Variants in AGL observed in about 807,000 individuals in gnomAD.
AGL encodes amylo-alpha-1,6-glucosidase and 4-alpha-glucanotransferase, also known as glycogen debranching enzyme.
Under a neutral mutation model 199.3 loss-of-function variants are expected in AGL, and 128 were observed. The ratio of observed to expected loss-of-function variants is 0.64; its 90% confidence interval spans 0.56 to 0.74. AGL has a LOEUF of 0.74. AGL is among the 30% of genes least tolerant of loss of function. The probability of loss-of-function intolerance (pLI) is 0.00; values close to 1 mark genes in which losing one functional copy is unlikely to be tolerated. For missense variants in AGL, 1,809 were observed against 1,820.8 expected (o/e 0.99, Z 0.12); for synonymous variants, 584 against 594.7 (o/e 0.98, Z 0.26).
chr1:99,891,621 C>T lies in AGL; in HGVS notation c.2965C>T (p.Gln989Ter). The T allele has an allele frequency of 6.2e-7, 1 of 1,613,520 alleles. No homozygotes were observed. Among genetic ancestry groups the T allele is most frequent in the Non-Finnish European group, 8.5e-7 (1 of 1,179,606 alleles). Residue 989 changes from glutamine to a stop codon, truncating the protein, a stop_gained, in exon 23 of 34, where the codon CAG becomes TAG. Transcript: ENST00000361915. LOFTEE classifies it high-confidence loss of function. ...TTAATTACAGGTTGGTAAATGGTTG[C>T]AGGCTATGTTCTTCTACCTGAAGCA... ...GTIAEVGKWL[Q>*]AMFFYLKQIP... is the part of the protein sequence containing the mutation.
At chr1:99,852,791 C>T (rs2101057804) in intron 2 of AGL, 1 of 769,720 alleles carries the variant, frequency 1.3e-6, no homozygotes, top group Non-Finnish European at 2.4e-6. Flanking sequence ...TGTGATAAAG[C>T]CCTAAATAAA....
chr1:99,903,845 G>C (rs1390948775), intron 27 of AGL, among the ~76,000 whole-genome samples: 1 of 152,136 alleles, frequency 6.6e-6, no homozygotes, highest in East Asian at 1.9e-4. Flanking sequence ...GTGTGAGATG[G>C]TATCTCATTG....
At chr1:99,919,353 A>G (rs556626678) in intron 33 of AGL, among the ~76,000 whole-genome samples, 73 of 152,254 alleles carry the variant, frequency 4.8e-4, no homozygotes, top group Middle Eastern at 3.4e-3. Context: ...TGTCCATACT[A>G]CTTCCTGTTT....
upstream of AGL, among the ~76,000 whole-genome samples, chr1:99,849,369 T>G (rs1462145042): frequency 2.0e-5 from 3 of 152,198 alleles, no homozygotes; most frequent in Non-Finnish European, 4.4e-5. Flanking sequence ...CATTTTCTCA[T>G]AACCATTAGG....
intron 33 of AGL, among the ~76,000 whole-genome samples, chr1:99,920,808 CT>C (rs1557797695): frequency 6.6e-6 from 1 of 152,036 alleles, no homozygotes; most frequent in Non-Finnish European, 1.5e-5. Flanking sequence ...GATGTCTGTA[CT>C]TTTTGAATTT....
rs1418978682 is a variant in AGL at position 99,870,864 on chromosome 1, C to A, written c.953C>A (p.Thr318Lys). 1 of 1,570,412 alleles carries A rather than the reference C, an allele frequency of 6.4e-7. No homozygotes were observed. The highest frequency in any genetic ancestry group is 1.7e-5 in the Admixed American group (1 of 59,920). The change falls in exon 7 of 34, where the codon ACA (threonine) becomes AAA (lysine). Residue 318 changes from threonine to lysine, a missense_variant. Physicochemically the swap from Thr to Lys is moderately conservative, Grantham distance 78. Coordinates refer to ENST00000361915, the MANE Select transcript of AGL (RefSeq NM_000642.3). The stretch of plus-strand genomic sequence containing the variant: ...GTTGAGCAATTTAGAAGACTTCTTA[C>A]ACAAGGTAAAGGATACATACTAGAA... Reference protein sequence around the residue: ...KAVEQFRRLLTQENRRVTKSD... With the variant: ...KAVEQFRRLLKQENRRVTKSD...
rs1171638572 is a variant in AGL at position 99,864,523 on chromosome 1, C to G, written c.598C>G (p.Leu200Val). ...RKYTWNDVGQ[L>V]VEKLKKEWNV... is the part of the protein sequence containing the mutation. The stretch of plus-strand genomic sequence containing the variant: ...GTATACCTGGAATGATGTTGGACAG[C>G]TAGTGGAAAAATTAAAAAAGGAATG... The change falls in exon 5 of 34, where the codon CTA (leucine) becomes GTA (valine). Residue 200 changes from leucine to valine, a missense_variant. Physicochemically the swap from Leu to Val is conservative, Grantham distance 32. Coordinates refer to ENST00000361915, the MANE Select transcript of AGL (RefSeq NM_000642.3). 6.2e-7 allele frequency: 1 copy of G among 1,613,590 alleles called. No individual in the cohort carries two copies. The highest frequency in any genetic ancestry group is 1.3e-5 in the African/African-American group (1 of 74,836).
intron 7 of AGL, among the ~76,000 whole-genome samples, chr1:99,871,688 G>T (rs1344728089): frequency 6.6e-6 from 1 of 152,060 alleles, no homozygotes; most frequent in African/African-American, 2.4e-5. Flanking sequence ...TTGCAATTGT[G>T]TAACACCTTA....
In AGL at chr1:99,912,390, G is replaced by T. The variant is rs376026767; in HGVS notation, c.3837-15G>T. ...ACGCCAACTTAAAGAATAAAAATAC[G>T]TTTTTTAATTTTAGAGATGGGTCTG... is the stretch of plus-strand genomic sequence containing the variant. On this transcript the variant is annotated splice_polypyrimidine_tract_variant and intron_variant, in intron 28 of 33. Transcript: ENST00000361915. 6.2e-7 allele frequency: 1 copy of T among 1,606,286 alleles called. No homozygotes were observed. Among genetic ancestry groups the T allele is most frequent in the South Asian group, 1.1e-5 (1 of 90,834 alleles).
chr1:99,888,239 T>A, intron 21 of AGL, 131 bp downstream of exon 21: 1 of 1,168,844 alleles, frequency 8.6e-7, no homozygotes, highest in Non-Finnish European at 1.2e-6. Flanking sequence ...TTCTGCTCAT[T>A]AATTGACCTT....
intron 5 of AGL, among the ~76,000 whole-genome samples, chr1:99,867,191 C>A (rs982514971): frequency 5.9e-5 from 9 of 152,244 alleles, no homozygotes; most frequent in African/African-American, 1.9e-4. Context: ...TTCACACACT[C>A]TTTACGTAGT....
At chr1:99,919,585 A>G (rs1462124963) in intron 33 of AGL, among the ~76,000 whole-genome samples, 2 of 152,230 alleles carry the variant, frequency 1.3e-5, no homozygotes, top group African/African-American at 4.8e-5. Context: ...ATACATAAAC[A>G]TAAGTAAATA....
In AGL at chr1:99,918,442, C is replaced by G. The variant is rs527633986; in HGVS notation, c.4481+1711C>G. 4.5e-4 allele frequency among the ~76,000 whole-genome samples: 68 copies of G among 152,018 alleles called. 1 individual carries two copies. The South Asian group carries it at 0.012, about 28-fold the overall frequency. On this transcript the variant is annotated intron_variant, in intron 33 of 33. Coordinates refer to ENST00000361915, the MANE Select transcript of AGL (RefSeq NM_000642.3). Reference sequence around the variant, plus strand: ...TGGGTTGCTTTTGCTTGTGATTGTTCTCTTTATTTTGGGTCATATCACCCT... The same window carrying G: ...TGGGTTGCTTTTGCTTGTGATTGTTGTCTTTATTTTGGGTCATATCACCCT...
rs148359033 is a variant in AGL, at chr1:99,884,218, A to G, written c.2407A>G (p.Thr803Ala). 4.3e-6 allele frequency: 7 copies of G among 1,613,232 alleles called. No individual in the cohort carries two copies. The African/African-American group carries it at 6.7e-5, about 15-fold the overall frequency. The change falls in exon 18 of 34, where the codon ACA becomes GCA. Residue 803 changes from threonine to alanine, a missense_variant. Transcript: ENST00000361915. The stretch of plus-strand genomic sequence containing the variant: ...TTCAATCAATGGAACACCAGATATC[A>G]CAGTAGAAATTAGAGAACATATTCA... ...ENSINGTPDI[T>A]VEIREHIQLN...
At chr1:99,917,446 A>T (rs75385877) in intron 33 of AGL, among the ~76,000 whole-genome samples, 1 of 152,168 alleles carries the variant, frequency 6.6e-6, no homozygotes, top group East Asian at 1.9e-4. Flanking sequence ...TAAGCTATTT[A>T]TGTCTTTGTA....
chr1:99,880,696 T>C lies in AGL; in HGVS notation c.1800T>C (p.Pro600=). ...TAGTTTACCGATATGGAGGAGAACCTGTTGGATCCTTTGTTCAGCCCTGTT... is the reference window on the plus strand; with the variant it reads ...TAGTTTACCGATATGGAGGAGAACCCGTTGGATCCTTTGTTCAGCCCTGTT... ...GRLVYRYGGE[P]VGSFVQPCLR... Residue 600 remains proline (P), a synonymous_variant, in exon 14 of 34, where the codon CCT becomes CCC. Coordinates refer to ENST00000361915, the MANE Select transcript of AGL (RefSeq NM_000642.3). 6.2e-7 allele frequency: 1 copy of C among 1,614,076 alleles called. No homozygotes were observed. The highest frequency in any genetic ancestry group is 8.5e-7 in the Non-Finnish European group (1 of 1,179,950).
rs761262994 is a variant in AGL, at chr1:99,882,136, CA to C, written c.2308+464del. Among the ~76,000 whole-genome samples the C allele has an allele frequency of 7.9e-4, 48 of 60,598 alleles. 1 individual carries two copies. The highest frequency in any genetic ancestry group is 3.3e-3 in the East Asian group (6 of 1,820). 39.8% of individuals were successfully genotyped at this position (60,598 alleles called of 152,430 possible). ...TGGGTGATAGAGTGAGACCCTATCT[CA>C]AAAAAAAAAAAAAAAAAAGAAAGAA... On this transcript the variant is annotated intron_variant, in intron 17 of 33. Coordinates refer to ENST00000361915, the MANE Select transcript of AGL (RefSeq NM_000642.3).
chr1:99,875,320 A>T (rs1447601114), intron 9 of AGL, 38 bp from the exon 10 acceptor site: 2 of 1,612,944 alleles, frequency 1.2e-6, no homozygotes, highest in African/African-American at 2.7e-5. Flanking sequence ...TGTTGTCTTG[A>T]GGATGGTGAT....
At chr1:99,910,687 A>G (rs1557788153) in intron 27 of AGL, 25 bp from the exon 28 acceptor site, 2 of 1,416,006 alleles carry the variant, frequency 1.4e-6, no homozygotes, top group Non-Finnish European at 9.7e-7. Flanking sequence ...ATAAAATTTT[A>G]TTTTATACAC....
Sources: allele counts gnomAD v4.1 joint callset (sites outside exome capture counted in the v4.1 genomes callset), GRCh38; gene constraint gnomAD v4.1.1; transcripts MANE v1.5; gene names NCBI Gene and HGNC (gene_info 2026-07-23, HGNC 2026-07-21).